The following CNTNAP2 variants were observed in gnomAD, a reference collection of about 807,000 sequenced individuals.
CNTNAP2 encodes the protein contactin-associated protein-like 2.
CNTNAP2 carries 98 observed loss-of-function variants against 155.2 expected under a neutral mutation model. The ratio of observed to expected loss-of-function variants is 0.63; its 90% CI spans 0.54 to 0.75. The LOEUF (loss-of-function observed/expected upper bound fraction) is 0.75, where lower values mean the gene tolerates loss of function less well. CNTNAP2 is among the 30% of genes least tolerant of loss of function. CNTNAP2 has a pLI of 0.00. For missense variants in CNTNAP2, 1,727 were observed against 1,688.1 expected (o/e 1.02, Z -0.40); for synonymous variants, 651 against 631.2 (o/e 1.03, Z -0.47).
intron 1 of CNTNAP2, among the ~76,000 whole-genome samples, chr7:146,627,423 A>G (rs1405489581): frequency 1.3e-5 from 2 of 152,158 alleles, no homozygotes; most frequent in Admixed American, 6.6e-5. Flanking sequence ...AAAGAAAACA[A>G]TTTTGTACTG....
intron 21 of CNTNAP2, among the ~76,000 whole-genome samples, chr7:148,379,352 G>A (rs1799000722): frequency 2.0e-5 from 3 of 152,034 alleles, no homozygotes. Context: ...AGAAGATATA[G>A]GTGCATTTAA....
At chr7:146,971,196 T>A (rs999792928) in intron 3 of CNTNAP2, among the ~76,000 whole-genome samples, 7 of 136,372 alleles carry the variant, frequency 5.1e-5, no homozygotes, top group African/African-American at 1.9e-4. Flanking sequence ...ACCCTAAAAC[T>A]TAAAGTATAA....
At chr7:147,200,915 C>T (rs778195298) in intron 8 of CNTNAP2, among the ~76,000 whole-genome samples, 55 of 152,220 alleles carry the variant, frequency 3.6e-4, no homozygotes, top group Admixed American at 2.8e-3. Context: ...TCAAAAAATG[C>T]ATGGTTGAGA....
intron 8 of CNTNAP2, among the ~76,000 whole-genome samples, chr7:147,294,427 A>G (rs1334980860): frequency 2.6e-5 from 4 of 152,144 alleles, no homozygotes; most frequent in African/African-American, 9.7e-5. Flanking sequence ...AATCATCTTC[A>G]CCTTTGTCTT....
intron 1 of CNTNAP2, among the ~76,000 whole-genome samples, chr7:146,482,886 AT>A (rs1321147317): frequency 3.9e-5 from 6 of 152,166 alleles, no homozygotes; most frequent in South Asian, 2.1e-4. Context: ...CAACAGTGAC[AT>A]TACTTAATGT....
chr7:146,130,823 A>G (rs1359549915), intron 1 of CNTNAP2, among the ~76,000 whole-genome samples: 1 of 152,194 alleles, frequency 6.6e-6, no homozygotes, highest in African/African-American at 2.4e-5. Context: ...CACGTCTTAC[A>G]TGGTGGCAGA....
At chr7:147,915,314 A>G (rs1312126962) in intron 14 of CNTNAP2, among the ~76,000 whole-genome samples, 1 of 152,236 alleles carries the variant, frequency 6.6e-6, no homozygotes, top group Non-Finnish European at 1.5e-5. Flanking sequence ...CTGTAACCAC[A>G]TGCAAAACAA....
intron 1 of CNTNAP2, among the ~76,000 whole-genome samples, chr7:146,331,079 C>T (rs1286212122): frequency 2.6e-5 from 4 of 152,000 alleles, no homozygotes; most frequent in South Asian, 2.1e-4. Context: ...CCGAGTCGGG[C>T]GGATCACGAG....
chr7:147,020,651 A>G (rs1401530824), intron 3 of CNTNAP2, among the ~76,000 whole-genome samples: 1 of 152,198 alleles, frequency 6.6e-6, no homozygotes, highest in East Asian at 1.9e-4. Context: ...CCAATGAAAT[A>G]ACACAGCTCA....
intron 13 of CNTNAP2, among the ~76,000 whole-genome samples, chr7:147,878,176 T>C (rs187716000): frequency 6.6e-6 from 1 of 150,682 alleles, no homozygotes; most frequent in Admixed American, 6.6e-5. Flanking sequence ...TTTAGTGGAG[T>C]GATGTATAGG....
chr7:147,849,732 GC>G (rs1798890144), intron 13 of CNTNAP2, among the ~76,000 whole-genome samples: 1 of 152,228 alleles, frequency 6.6e-6, no homozygotes, highest in Admixed American at 6.5e-5. Context: ...ACCCAGCCAT[GC>G]CCTTTCTGTC....
chr7:148,163,999 A>G (rs562593724), intron 17 of CNTNAP2, among the ~76,000 whole-genome samples: 300 of 152,170 alleles, frequency 2.0e-3, no homozygotes, highest in African/African-American at 6.5e-3. Flanking sequence ...CCGTGGCACA[A>G]TCTCGGCTCA....
At chr7:148,143,418 C>A (rs1352215786) in intron 16 of CNTNAP2, among the ~76,000 whole-genome samples, 2 of 152,194 alleles carry the variant, frequency 1.3e-5, no homozygotes, top group Non-Finnish European at 2.9e-5. Flanking sequence ...GTGGCTCATG[C>A]CTGTAATCCT....
intron 15 of CNTNAP2, among the ~76,000 whole-genome samples, chr7:148,081,133 A>C (rs1378107869): frequency 1.3e-5 from 2 of 152,248 alleles, no homozygotes; most frequent in Non-Finnish European, 2.9e-5. Context: ...AAACATGTGA[A>C]GAAGTTAGTA....
intron 1 of CNTNAP2, among the ~76,000 whole-genome samples, chr7:146,435,279 T>C (rs1176187989): frequency 6.6e-6 from 1 of 152,158 alleles, no homozygotes; most frequent in Non-Finnish European, 1.5e-5. Context: ...ATAATAAACT[T>C]TTTTAACTTA....
intron 1 of CNTNAP2, among the ~76,000 whole-genome samples, chr7:146,332,975 A>C (rs1251632460): frequency 2.6e-5 from 3 of 116,378 alleles, no homozygotes; most frequent in South Asian, 2.5e-4. Context: ...GACAGGTCTC[A>C]CTCTGTAACC....
chr7:146,318,185 T>C (rs1005728649), intron 1 of CNTNAP2, among the ~76,000 whole-genome samples: 2 of 152,022 alleles, frequency 1.3e-5, no homozygotes, highest in Admixed American at 1.3e-4. Context: ...CATACTATTA[T>C]TGGATGTAAA....
intron 14 of CNTNAP2, among the ~76,000 whole-genome samples, chr7:147,944,238 T>C (rs1433962316): frequency 2.0e-5 from 3 of 152,194 alleles, no homozygotes; most frequent in African/African-American, 4.8e-5. Flanking sequence ...AATATTAATA[T>C]AAAAGTATTA....
chr7:147,147,750 A>G (rs559484173), intron 8 of CNTNAP2, among the ~76,000 whole-genome samples: 1 of 152,280 alleles, frequency 6.6e-6, no homozygotes, highest in East Asian at 1.9e-4. Context: ...TTTCTATAGT[A>G]GCCGAACAGA....
Sources: gnomAD v4.1 joint callset for allele counts (sites outside exome capture counted in the v4.1 genomes callset) on GRCh38, gnomAD v4.1.1 for gene constraint, MANE v1.5 for transcripts, NCBI Gene and HGNC (gene_info 2026-07-23, HGNC 2026-07-21) for gene names.